Variants in DPP10 observed in about 807,000 individuals in gnomAD.
The protein encoded by DPP10 is dipeptidyl peptidase like 10, also known as inactive dipeptidyl peptidase 10.
In DPP10, 33 loss-of-function variants were observed where a neutral mutation model predicts 120.9. The observed-to-expected ratio is 0.27, with a 90% confidence interval of 0.21 to 0.37. The LOEUF (loss-of-function observed/expected upper bound fraction) is 0.37. Among genes scored for constraint, DPP10 ranks in the 10% least tolerant of loss-of-function variants. DPP10 has a pLI of 1.00. For synonymous variants in DPP10, 337 were observed against 326.1 expected (o/e 1.03, Z -0.36); for missense variants, 816 against 942.8 (o/e 0.87, Z 1.76).
rs766276015 is a variant in DPP10 at position 115,664,805 on chromosome 2, T to TC, written c.442-24880dup. Among the ~76,000 whole-genome samples the TC allele has an allele frequency of 5.3e-5, 8 of 152,314 alleles. No individual in the cohort carries two copies. The East Asian group carries it at 1.2e-3, about 22-fold the overall frequency. On this transcript the variant is annotated intron_variant, in intron 5 of 25. Coordinates refer to ENST00000410059, the MANE Select transcript of DPP10 (RefSeq NM_020868.6). ...GGCAACCTAATGCCTGATCTTTCCA[T>TC]CCTAATCTTAAAAATGCTCAAACCC...
intron 2 of DPP10, among the ~76,000 whole-genome samples, chr2:115,322,249 C>T (rs1018765615): frequency 6.6e-6 from 1 of 152,070 alleles, no homozygotes; most frequent in African/African-American, 2.4e-5. Context: ...ATATTTTAAA[C>T]TATTTTTGAA....
chr2:115,123,675 T>C (rs1169284746), intron 1 of DPP10, among the ~76,000 whole-genome samples: 1 of 152,132 alleles, frequency 6.6e-6, no homozygotes, highest in African/African-American at 2.4e-5. Flanking sequence ...AGACCAATTA[T>C]TATTTTAGAG....
chr2:115,808,163 C>T (rs1686233099), intron 19 of DPP10, among the ~76,000 whole-genome samples: 1 of 152,094 alleles, frequency 6.6e-6, no homozygotes, highest in South Asian at 2.1e-4. Context: ...GCGAAAGGCA[C>T]AATATTTCTT....
chr2:115,228,885 T>C (rs953699971), intron 1 of DPP10, among the ~76,000 whole-genome samples: 1 of 152,142 alleles, frequency 6.6e-6, no homozygotes, highest in African/African-American at 2.4e-5. Flanking sequence ...TTCTTTTGGG[T>C]GTATACTTGG....
At chr2:115,834,760 G>A (rs1173396760) in intron 21 of DPP10, among the ~76,000 whole-genome samples, 1 of 152,128 alleles carries the variant, frequency 6.6e-6, no homozygotes, top group African/African-American at 2.4e-5. Flanking sequence ...TGAGTTTTTA[G>A]CTAAGATTCC....
chr2:115,244,234 A>ATG, intron 1 of DPP10, among the ~76,000 whole-genome samples: 1 of 30,370 alleles, frequency 3.3e-5, no homozygotes, highest in Non-Finnish European at 6.4e-5. Flanking sequence ...ATATATATAT[A>ATG]TATATAGAGA....
At chr2:115,036,239 A>G (rs1233262078) in intron 1 of DPP10, among the ~76,000 whole-genome samples, 1 of 152,172 alleles carries the variant, frequency 6.6e-6, no homozygotes, top group Non-Finnish European at 1.5e-5. Flanking sequence ...CACTATCACG[A>G]GGACAGCATG....
At chr2:114,525,732 A>C (rs532872333) in intron 1 of DPP10, among the ~76,000 whole-genome samples, 6 of 152,352 alleles carry the variant, frequency 3.9e-5, no homozygotes, top group Non-Finnish European at 7.4e-5. Flanking sequence ...GAAGATGACT[A>C]AACCATTTCT....
chr2:115,654,275 A>G lies in DPP10; in HGVS notation c.442-35412A>G, dbSNP rs565625773. Among the ~76,000 whole-genome samples, 24 of 151,964 alleles carry G rather than the reference A, an allele frequency of 1.6e-4. No individual in the cohort carries two copies. The East Asian group carries it at 4.2e-3, about 27-fold the overall frequency. ...GTGAAGGCAACATACTCAATAGTAC[A>G]AACAAGAAATCAAAGCGAATTGCCT... On this transcript the variant is annotated intron_variant, in intron 5 of 25. Coordinates refer to ENST00000410059, the MANE Select transcript of DPP10 (RefSeq NM_020868.6).
rs868827082 is a variant in DPP10, at chr2:115,125,873, C to T, written c.61-183366C>T. Among the ~76,000 whole-genome samples the T allele has an allele frequency of 3.9e-4, 60 of 152,096 alleles. 1 individual carries two copies. The highest frequency in any genetic ancestry group is 1.3e-3 in the African/African-American group (55 of 41,414). ...CTGGGATTAAAGGTGCAAGGCACCG[C>T]GCCCAGCCCATAATACCTTTTTAAA... On this transcript the variant is annotated intron_variant, in intron 1 of 25. Coordinates refer to ENST00000410059, the MANE Select transcript of DPP10 (RefSeq NM_020868.6).
chr2:115,081,298 C>G (rs1436820043), intron 1 of DPP10, among the ~76,000 whole-genome samples: 1 of 152,144 alleles, frequency 6.6e-6, no homozygotes, highest in African/African-American at 2.4e-5. Context: ...AGTAATCTCT[C>G]TCATGTATAG....
At chr2:115,841,090 A>T (rs1690094537) in intron 25 of DPP10, among the ~76,000 whole-genome samples, 1 of 151,900 alleles carries the variant, frequency 6.6e-6, no homozygotes, top group South Asian at 2.1e-4. Context: ...TTTAAAAGTA[A>T]CAAGTTTCTA....
intron 1 of DPP10, among the ~76,000 whole-genome samples, chr2:114,893,402 G>A (rs982458892): frequency 1.1e-4 from 16 of 152,116 alleles, no homozygotes; most frequent in Non-Finnish European, 1.6e-4. Context: ...ACGTATAGGC[G>A]GTGATTTCAG....
intron 5 of DPP10, among the ~76,000 whole-genome samples, chr2:115,565,342 A>AT (rs1211815825): frequency 6.6e-6 from 1 of 152,084 alleles, no homozygotes; most frequent in Non-Finnish European, 1.5e-5. Flanking sequence ...ATATATAGCT[A>AT]TTTTTTCTGA....
chr2:115,313,847 A>G (rs147814180), intron 2 of DPP10, among the ~76,000 whole-genome samples: 44 of 152,282 alleles, frequency 2.9e-4, no homozygotes, highest in African/African-American at 1.0e-3. Flanking sequence ...TTTTTTAATT[A>G]CAGGGTGGAC....
At chr2:114,928,511 C>A (rs1465400581) in intron 1 of DPP10, among the ~76,000 whole-genome samples, 1 of 152,162 alleles carries the variant, frequency 6.6e-6, no homozygotes, top group East Asian at 1.9e-4. Flanking sequence ...CTTAGGGCAG[C>A]CCTGACCCCA....
chr2:115,420,003 T>C (rs843385), intron 3 of DPP10, among the ~76,000 whole-genome samples: 21,519 of 152,138 alleles, frequency 0.14, 2,164 homozygotes, highest in African/African-American at 0.29. Flanking sequence ...AAAAAATGTG[T>C]TATGGAAGTA....
At chr2:115,031,501 T>A (rs1412153042) in intron 1 of DPP10, among the ~76,000 whole-genome samples, 1 of 152,178 alleles carries the variant, frequency 6.6e-6, no homozygotes, top group Non-Finnish European at 1.5e-5. Context: ...TCCTAGATCA[T>A]TGAATCACTG....
intron 3 of DPP10, among the ~76,000 whole-genome samples, chr2:115,473,083 G>T (rs193036527): frequency 6.6e-6 from 1 of 152,100 alleles, no homozygotes; most frequent in East Asian, 1.9e-4. Flanking sequence ...TGGTCTAAAC[G>T]TGTTCTGGAA....
Sources: allele counts gnomAD v4.1 joint callset (sites outside exome capture counted in the v4.1 genomes callset), GRCh38; gene constraint gnomAD v4.1.1; transcripts MANE v1.5; gene names NCBI Gene and HGNC (gene_info 2026-07-23, HGNC 2026-07-21).